KRABD5: variants seen among roughly 807,000 people sequenced by gnomAD.
KRABD5 encodes KRAB domain containing 5.
At chr16:31,727,524 T>G in the KRABD5 span, among the ~76,000 whole-genome samples, 1 of 152,330 alleles carries the variant, frequency 6.6e-6, no homozygotes, top group East Asian at 1.9e-4. Flanking sequence ...ACATGCAAAC[T>G]AAGGGGCAGT....
chr16:31,713,847 G>C, the KRABD5 span, among the ~76,000 whole-genome samples: 93 of 152,308 alleles, frequency 6.1e-4, 4 homozygotes, highest in South Asian at 0.019. Flanking sequence ...GGTTGATTTA[G>C]GTAAACAGCG....
the KRABD5 span, chr16:31,761,034 C>T: frequency 6.6e-6 from 1 of 152,196 alleles, no homozygotes; most frequent in Non-Finnish European, 1.5e-5. Context: ...CCATGGAGTT[C>T]ATGGGCTTTG....
At chr16:31,743,005 G>A in the KRABD5 span, among the ~76,000 whole-genome samples, 1 of 151,968 alleles carries the variant, frequency 6.6e-6, no homozygotes, top group Non-Finnish European at 1.5e-5. Flanking sequence ...TTTTTGATGA[G>A]GTTGTTTTTT....
the KRABD5 span, among the ~76,000 whole-genome samples, chr16:31,739,864 G>A: frequency 6.6e-6 from 1 of 152,186 alleles, no homozygotes; most frequent in East Asian, 1.9e-4. Flanking sequence ...GTGGAAAGCC[G>A]CTTAAAGGCA....
At chr16:31,751,250 A>C in the KRABD5 span, among the ~76,000 whole-genome samples, 1 of 151,948 alleles carries the variant, frequency 6.6e-6, no homozygotes, top group Non-Finnish European at 1.5e-5. Flanking sequence ...CTGTAGTTTT[A>C]TTTGTTCATT....
chr16:31,758,252 TATG>T, the KRABD5 span: 1 of 152,156 alleles, frequency 6.6e-6, no homozygotes, highest in African/African-American at 2.4e-5. Flanking sequence ...AGCAATAAGT[TATG>T]ATAGCTTTGG....
chr16:31,746,760 G>A, the KRABD5 span, among the ~76,000 whole-genome samples: 3 of 152,152 alleles, frequency 2.0e-5, no homozygotes, highest in South Asian at 2.1e-4. Flanking sequence ...CCAATCAATC[G>A]TAGGTTCAGT....
At chr16:31,739,026 T>C in the KRABD5 span, among the ~76,000 whole-genome samples, 2 of 152,210 alleles carry the variant, frequency 1.3e-5, no homozygotes, top group Non-Finnish European at 2.9e-5. Context: ...CACAGATTTG[T>C]GGTTATTTTA....
chr16:31,723,364 G>A, the KRABD5 span: 2 of 1,608,504 alleles, frequency 1.2e-6, no homozygotes, highest in East Asian at 2.2e-5. Context: ...GTAGGTGGGA[G>A]TGAATGAAGT....
chr16:31,723,270 C>G, the KRABD5 span: 2 of 1,613,868 alleles, frequency 1.2e-6, no homozygotes, highest in Non-Finnish European at 1.7e-6. Flanking sequence ...CTCGCTGTCT[C>G]TAAGCCGGAC....
At chr16:31,715,811 A>G in the KRABD5 span, among the ~76,000 whole-genome samples, 12 of 152,188 alleles carry the variant, frequency 7.9e-5, no homozygotes, top group Non-Finnish European at 1.3e-4. Context: ...TAAAAAAGAT[A>G]GCACAGGGAC....
the KRABD5 span, among the ~76,000 whole-genome samples, chr16:31,742,369 T>C: frequency 6.6e-6 from 1 of 152,142 alleles, no homozygotes; most frequent in Non-Finnish European, 1.5e-5. Context: ...GTCCATGTGT[T>C]CTCATTGTTC....
At chr16:31,755,565 G>C in the KRABD5 span, 1 of 464,366 alleles carries the variant, frequency 2.2e-6, no homozygotes, top group South Asian at 1.5e-5. Context: ...TGTAAGGATT[G>C]TGGCATCTCC....
the KRABD5 span, among the ~76,000 whole-genome samples, chr16:31,721,607 C>G: frequency 6.6e-6 from 1 of 151,748 alleles, no homozygotes; most frequent in Non-Finnish European, 1.5e-5. Context: ...AGTATTATTT[C>G]TCATATAGAT....
the KRABD5 span, among the ~76,000 whole-genome samples, chr16:31,713,690 C>T: frequency 6.6e-6 from 1 of 152,234 alleles, no homozygotes; most frequent in African/African-American, 2.4e-5. Flanking sequence ...CGGCGTCTCC[C>T]GAGATTGTGC....
chr16:31,742,208 TG>T, the KRABD5 span, among the ~76,000 whole-genome samples: 2 of 146,762 alleles, frequency 1.4e-5, no homozygotes, highest in Admixed American at 1.4e-4. Context: ...AAAAAAAAGA[TG>T]GGGGATACAT....
At chr16:31,745,922 C>T in the KRABD5 span, among the ~76,000 whole-genome samples, 16 of 151,918 alleles carry the variant, frequency 1.1e-4, no homozygotes, top group Non-Finnish European at 1.0e-4. Context: ...TCTATTTTGT[C>T]AGAAACTAGG....
At chr16:31,742,162 A>T in the KRABD5 span, among the ~76,000 whole-genome samples, 2 of 144,070 alleles carry the variant, frequency 1.4e-5, no homozygotes, top group South Asian at 2.2e-4. Context: ...GTCCTTTTTT[A>T]AAAAAAATTT....
At chr16:31,738,669 A>G in the KRABD5 span, among the ~76,000 whole-genome samples, 1 of 152,124 alleles carries the variant, frequency 6.6e-6, no homozygotes, top group Non-Finnish European at 1.5e-5. Context: ...TCATTTATGT[A>G]TAAAGTAATT....
Sources: allele counts gnomAD v4.1 joint callset (sites outside exome capture counted in the v4.1 genomes callset), GRCh38; gene constraint gnomAD v4.1.1; transcripts MANE v1.5; gene names NCBI Gene and HGNC (gene_info 2026-07-23, HGNC 2026-07-21).